Variants in SYNE1 observed in about 807,000 individuals in gnomAD.
SYNE1 encodes the protein nesprin-1.
Under a neutral mutation model 1,111.0 loss-of-function variants are expected in SYNE1, and 616 were observed. That is an observed-to-expected ratio of 0.55 (90% CI 0.52 to 0.59). The LOEUF is 0.59. Ranked by LOEUF, SYNE1 falls within the 20% of genes least tolerant of loss-of-function variation. The probability of loss-of-function intolerance (pLI) is 0.00; values close to 1 mark genes in which losing one functional copy is unlikely to be tolerated. For synonymous variants in SYNE1, 3,855 were observed against 3,825.8 expected (o/e 1.01, Z -0.28); for missense variants, 10,006 against 10,417.0 (o/e 0.96, Z 1.72).
chr6:152,228,100 T>G (rs1453944766), intron 115 of SYNE1, among the ~76,000 whole-genome samples: 2 of 152,192 alleles, frequency 1.3e-5, no homozygotes, highest in Non-Finnish European at 2.9e-5. Context: ...TTAAGTATAC[T>G]GGCTTGAATT....
At chr6:152,231,094 A>G (rs2082661842) in intron 114 of SYNE1, among the ~76,000 whole-genome samples, 1 of 152,246 alleles carries the variant, frequency 6.6e-6, no homozygotes, top group African/African-American at 2.4e-5. Flanking sequence ...GTATGAATCA[A>G]TGACTATTAC....
intron 4 of SYNE1, among the ~76,000 whole-genome samples, chr6:152,539,753 T>C (rs1039696398): frequency 1.3e-5 from 2 of 152,190 alleles, no homozygotes; most frequent in Admixed American, 1.3e-4. Flanking sequence ...AAGTAACTGC[T>C]CTTGACTCTA....
At chr6:152,248,897 C>A (rs537112289) in intron 105 of SYNE1, among the ~76,000 whole-genome samples, 1 of 152,152 alleles carries the variant, frequency 6.6e-6, no homozygotes, top group Non-Finnish European at 1.5e-5. Context: ...CATATCTAAT[C>A]TCATCATTGG....
At chr6:152,494,249 G>A (rs2098987313) in intron 11 of SYNE1, among the ~76,000 whole-genome samples, 1 of 152,022 alleles carries the variant, frequency 6.6e-6, no homozygotes, top group Non-Finnish European at 1.5e-5. Flanking sequence ...TATACTTTCT[G>A]CTCCCTAGCT....
intron 137 of SYNE1, chr6:152,145,444 T>C (rs770927069): frequency 1.9e-6 from 3 of 1,575,784 alleles, no homozygotes; most frequent in South Asian, 1.1e-5. Flanking sequence ...AGGATTGCTA[T>C]ACAGGGGAGG....
chr6:152,594,940 G>A (rs79098149), intron 3 of SYNE1, among the ~76,000 whole-genome samples: 3,322 of 152,198 alleles, frequency 0.022, 127 homozygotes, highest in African/African-American at 0.076. Context: ...CACATTCCAA[G>A]CTTCATTTTC....
intron 130 of SYNE1, among the ~76,000 whole-genome samples, chr6:152,171,626 G>T (rs1453151877): frequency 2.0e-5 from 3 of 152,206 alleles, no homozygotes; most frequent in African/African-American, 7.2e-5. Context: ...CCAGGGGCAG[G>T]CAGGAGAATG....
chr6:152,129,748 C>T (rs2054865330), intron 145 of SYNE1: 1 of 152,094 alleles, frequency 6.6e-6, no homozygotes, highest in Admixed American at 6.5e-5. Context: ...AATTATTACT[C>T]AAGGGTTGTT....
chr6:152,312,465 C>T (rs546593244), intron 87 of SYNE1, among the ~76,000 whole-genome samples: 1 of 150,820 alleles, frequency 6.6e-6, no homozygotes, highest in East Asian at 1.9e-4. Flanking sequence ...CCTCGGTCCC[C>T]CAAAGTGCTG....
In SYNE1 at chr6:152,122,562, G is replaced by A. The variant is rs751821346; in HGVS notation, c.26268C>T (p.Leu8756=). The change falls in exon 146 of 146, where the codon CTC becomes CTT. Residue 8756 remains leucine, a synonymous_variant. Coordinates refer to ENST00000367255, the MANE Select transcript of SYNE1 (RefSeq NM_182961.4). The part of the protein sequence containing the change: ...RAALPLQLLL[L]LLIGLACLVP... ...CAAGGCAGGCAAGCCCGATGAGGAG[G>A]AGCAGGAGAAGCTGAAGGGGAAGAG... is the stretch of plus-strand genomic sequence containing the variant. 6.2e-7 allele frequency: 1 copy of A among 1,614,216 alleles called. No homozygotes were observed. Among genetic ancestry groups the A allele is most frequent in the African/African-American group, 1.3e-5 (1 of 75,058 alleles).
chr6:152,284,047 C>A lies in SYNE1; in HGVS notation c.18138G>T (p.Thr6046=), dbSNP rs774914692. The change falls in exon 96 of 146, where the codon ACG becomes ACT. Residue 6046 remains threonine, a synonymous_variant. Coordinates refer to ENST00000367255, the MANE Select transcript of SYNE1 (RefSeq NM_182961.4). ...ACATTCGCTCGGCTAAGACAGTGAG[C>A]GTGGACTGCAAGGCCAGCTGCTCCG... ...DPAEQLALQS[T]LTVLAERMST... 1 of 1,614,202 alleles carries A rather than the reference C, an allele frequency of 6.2e-7. No homozygotes were observed. Among genetic ancestry groups the A allele is most frequent in the Non-Finnish European group, 8.5e-7 (1 of 1,180,038 alleles).
At chr6:152,591,910 A>G (rs533564619) in intron 3 of SYNE1, among the ~76,000 whole-genome samples, 1 of 152,326 alleles carries the variant, frequency 6.6e-6, no homozygotes, top group East Asian at 1.9e-4. Flanking sequence ...GCCAACAAGT[A>G]TATAAGAAAT....
intron 137 of SYNE1, chr6:152,144,178 G>T (rs2059038773): frequency 6.8e-6 from 2 of 295,090 alleles, no homozygotes; most frequent in Admixed American, 9.7e-5. Flanking sequence ...TTAGTGAGCA[G>T]GGGAAGATCC....
intron 131 of SYNE1, among the ~76,000 whole-genome samples, chr6:152,163,878 C>A (rs147035175): frequency 1.3e-5 from 2 of 152,170 alleles, no homozygotes; most frequent in South Asian, 2.1e-4. Context: ...GTTTTAGATA[C>A]GTAATTGCAA....
intron 88 of SYNE1, 21 bp downstream of exon 88, chr6:152,310,667 C>CTTTTTT: frequency 2.6e-6 from 4 of 1,509,538 alleles, no homozygotes; most frequent in Non-Finnish European, 2.7e-6. Flanking sequence ...TTTTCTGTTT[C>CTTTTTT]TTTTTTTTTT....
At position 152,436,000 on chromosome 6, in the gene SYNE1, T is replaced by C. The variant is rs765611550; in HGVS notation, c.4251A>G (p.Gln1417=). 6.2e-7 allele frequency: 1 copy of C among 1,614,158 alleles called. No homozygotes were observed. Among genetic ancestry groups the C allele is most frequent in the Non-Finnish European group, 8.5e-7 (1 of 1,180,016 alleles). The change falls in exon 33 of 146, where the codon CAA becomes CAG. Residue 1417 remains glutamine, a synonymous_variant. Coordinates refer to ENST00000367255, the MANE Select transcript of SYNE1 (RefSeq NM_182961.4). ...PLGPQNKQLL[Q]QQAKSIKEQV... ...GTTCTTTGATTGACTTGGCCTGCTGTTGAAGCAGCTGCTTATTTTGGGGCC... is the reference window on the plus strand; with the variant it reads ...GTTCTTTGATTGACTTGGCCTGCTGCTGAAGCAGCTGCTTATTTTGGGGCC...
rs1450883443 is a variant in SYNE1 at position 152,300,785 on chromosome 6, C to A, written c.17542-4G>T. 1 of 1,614,132 alleles carries A rather than the reference C, an allele frequency of 6.2e-7. No individual in the cohort carries two copies. ...TGTGACAGCGACCTGCAGTCATCTG[C>A]CACGTAAAATGTAGCCCAAAGGACA... On this transcript the variant is annotated splice_region_variant and splice_polypyrimidine_tract_variant and intron_variant, in intron 92 of 145. Coordinates refer to ENST00000367255, the MANE Select transcript of SYNE1 (RefSeq NM_182961.4).
chr6:152,539,295 T>G (rs1396421820), intron 4 of SYNE1, among the ~76,000 whole-genome samples: 1 of 152,300 alleles, frequency 6.6e-6, no homozygotes, highest in East Asian at 1.9e-4. Context: ...TCTGAATTTA[T>G]TTTTACAAAT....
At chr6:152,206,842 T>A (rs918360650) in intron 125 of SYNE1, among the ~76,000 whole-genome samples, 2 of 151,980 alleles carry the variant, frequency 1.3e-5, no homozygotes, top group African/African-American at 4.8e-5. Flanking sequence ...GGAAACTAAG[T>A]ATGGTTTTCA....
Sources: allele counts gnomAD v4.1 joint callset (sites outside exome capture counted in the v4.1 genomes callset), GRCh38; gene constraint gnomAD v4.1.1; transcripts MANE v1.5; gene names NCBI Gene and HGNC (gene_info 2026-07-23, HGNC 2026-07-21).